Variants in GIPC3 observed in about 807,000 individuals in gnomAD.
GIPC3 encodes the protein GIPC PDZ domain containing family member 3.
GIPC3 carries 16 observed loss-of-function variants against 27.3 expected under a neutral mutation model. The observed-to-expected ratio is 0.59, with a 90% confidence interval of 0.40 to 0.89. GIPC3 has a LOEUF of 0.89. Among genes scored for constraint, GIPC3 ranks in the 40% least tolerant of loss-of-function variants. GIPC3 has a pLI of 0.00. For missense variants in GIPC3, 440 were observed against 442.1 expected, an observed-to-expected ratio of 1.00 and a Z score of 0.04; for synonymous variants, 194 against 184.6, an observed-to-expected ratio of 1.05 and a Z score of -0.41.
chr19:3,587,695 C>CTTTTTTTTTTTTTT (rs1555704357), intron 3 of GIPC3, among the ~76,000 whole-genome samples: 1 of 131,208 alleles, frequency 7.6e-6, no homozygotes, highest in Non-Finnish European at 1.6e-5. Flanking sequence ...CTTTTCTTTT[C>CTTTTTTTTTTTTTT]TTTTTTTTTT....
rs113699849 is a variant in GIPC3, at chr19:3,592,102, C to G, written c.*1912C>G. 8.9e-6 allele frequency: 11 copies of G among 1,231,992 alleles called. No homozygotes were observed. Among genetic ancestry groups the G allele is most frequent in the Non-Finnish European group, 1.1e-5 (11 of 988,084 alleles). 76.3% of individuals were successfully genotyped at this position (1,231,992 alleles called of 1,614,324 possible). A position where few individuals can be genotyped will look rare whatever the true frequency, so the allele number is the denominator to read the frequency against. On this transcript the variant is annotated 3_prime_UTR_variant, in exon 6 of 6. Coordinates refer to ENST00000644452, the MANE Select transcript of GIPC3 (RefSeq NM_133261.3). ...ATCCAGCTAAGCTCTGGAGTCCAAT[C>G]TAGTCCTGGGACCCAGGCCATCGCA...
Position 3,591,491 on chromosome 19 carries a change from T to C in GIPC3, c.*1301T>C, listed in dbSNP as rs2032487706. ...TGCAGCCACACCTGGACACTCGGTC[T>C]AGCTCCGGAACCCCAGTTAATTTTG... On this transcript the variant is annotated 3_prime_UTR_variant, in exon 6 of 6. Transcript: ENST00000644452. 1 of 1,232,340 alleles carries C rather than the reference T, an allele frequency of 8.1e-7. No homozygotes were observed. The highest frequency in any genetic ancestry group is 3.2e-5 in the East Asian group (1 of 31,694). The allele number at this position is 1,232,340 out of a possible 1,614,324, so 76.3% of individuals were successfully genotyped here.
intron 3 of GIPC3, 86 bp downstream of exon 3, chr19:3,587,080 T>G: frequency 1.5e-6 from 2 of 1,328,332 alleles, no homozygotes; most frequent in Non-Finnish European, 2.1e-6. Context: ...TGGGACGGGC[T>G]GGAAGGTTCT....
At chr19:3,589,973 G>C (rs1339563201) in intron 5 of GIPC3, 61 bp downstream of exon 5, 29 of 1,613,196 alleles carry the variant, frequency 1.8e-5, no homozygotes, top group Non-Finnish European at 2.4e-5. Context: ...GAGGAGGCAG[G>C]GGTCCCAGCG....
intron 1 of GIPC3, 145 bp downstream of exon 1, chr19:3,585,967 C>G: frequency 1.4e-6 from 2 of 1,380,962 alleles, no homozygotes; most frequent in Non-Finnish European, 1.9e-6. Context: ...GAGACCCAGC[C>G]CTCAGATCCC....
At chr19:3,589,243 A>G (rs2032434654) in intron 3 of GIPC3, among the ~76,000 whole-genome samples, 200 bp from the exon 4 acceptor site, 1 of 152,198 alleles carries the variant, frequency 6.6e-6, no homozygotes, top group African/African-American at 2.4e-5. Flanking sequence ...ACAACACCTC[A>G]TTCTGGACTT....
chr19:3,585,597 C>T lies in GIPC3; in HGVS notation c.-1C>T. On this transcript the variant is annotated 5_prime_UTR_variant, in exon 1 of 6. Transcript: ENST00000644452. ...GGGTGGGTGGCCGAACTTCTCCCGC[C>T]ATGGAGGGAGCAGCGGCCCGGGAGG... 1 of 1,154,794 alleles carries T rather than the reference C, an allele frequency of 8.7e-7. No individual in the cohort carries two copies. Among genetic ancestry groups the T allele is most frequent in the Non-Finnish European group, 1.1e-6 (1 of 939,966 alleles). The allele number at this position is 1,154,794 out of a possible 1,614,324, so 71.5% of individuals were successfully genotyped here. A position where few individuals can be genotyped will look rare whatever the true frequency, so the allele number is the denominator to read the frequency against.
At chr19:3,589,608 C>G (rs927835462) in intron 4 of GIPC3, 53 bp downstream of exon 4, 1 of 1,442,164 alleles carries the variant, frequency 6.9e-7, no homozygotes, top group Admixed American at 1.7e-5. Flanking sequence ...AGCTCCTCCA[C>G]TGAGTCAGTG....
At position 3,587,680 on chromosome 19, in the gene GIPC3, T is replaced by TTTTTC. The variant is rs1490862531; in HGVS notation, c.592+701_592+705dup. Among the ~76,000 whole-genome samples the TTTTTC allele has an allele frequency of 8.4e-5, 12 of 142,842 alleles. 1 individual carries two copies. The highest frequency in any genetic ancestry group is 2.2e-4 in the South Asian group (1 of 4,614). The allele number at this position is 142,842 out of a possible 152,430, so 93.7% of individuals were successfully genotyped here. ...TTCTTTTCTTTTTTTTTTCCTTTCT[T>TTTTTC]TTTTCTTTTCTTTTCTTTTTTTTTT... On this transcript the variant is annotated intron_variant, in intron 3 of 5. Transcript: ENST00000644452.
In GIPC3 at chr19:3,591,065, T is replaced by C; in HGVS notation, c.*875T>C. ...CCAGCATAGAGACCAAGCCGTGTTC[T>C]AGAATTCAGGCCACATCTGAAGCCA... On this transcript the variant is annotated 3_prime_UTR_variant, in exon 6 of 6. Coordinates refer to ENST00000644452, the MANE Select transcript of GIPC3 (RefSeq NM_133261.3). 8.1e-7 allele frequency: 1 copy of C among 1,233,452 alleles called. No homozygotes were observed. The highest frequency in any genetic ancestry group is 1.0e-6 in the Non-Finnish European group (1 of 989,020). 76.4% of individuals were successfully genotyped at this position (1,233,452 alleles called of 1,614,324 possible).
At position 3,585,659 on chromosome 19, in the gene GIPC3, C is replaced by T; in HGVS notation, c.62C>T (p.Pro21Leu). 1.6e-6 allele frequency: 2 copies of T among 1,232,332 alleles called. No homozygotes were observed. The highest frequency in any genetic ancestry group is 3.2e-4 in the Middle Eastern group (1 of 3,124). The allele number at this position is 1,232,332 out of a possible 1,614,324, so 76.3% of individuals were successfully genotyped here. A position where few individuals can be genotyped will look rare whatever the true frequency, so the allele number is the denominator to read the frequency against. Residue 21 changes from proline (P) to leucine (L), a missense_variant, in exon 1 of 6, where the codon CCG becomes CTG. Physicochemically the swap from Pro to Leu is moderately conservative, Grantham distance 98 (BLOSUM62 -3). Coordinates refer to ENST00000644452, the MANE Select transcript of GIPC3 (RefSeq NM_133261.3). The stretch of plus-strand genomic sequence containing the variant: ...GAGACCCCGCGCGCGTCTGCGCCCC[C>T]GCCCGCGCCCTCGGAGCCCCCGGCC... ...GTETPRASAP[P>L]PAPSEPPAAP...
chr19:3,592,443 C>G lies in GIPC3; in HGVS notation c.*2253C>G, dbSNP rs925604592. 4 of 1,231,930 alleles carry G rather than the reference C, an allele frequency of 3.2e-6. No homozygotes were observed. The highest frequency in any genetic ancestry group is 4.0e-6 in the Non-Finnish European group (4 of 987,962). 76.3% of individuals were successfully genotyped at this position (1,231,930 alleles called of 1,614,324 possible). A position where few individuals can be genotyped will look rare whatever the true frequency, so the allele number is the denominator to read the frequency against. On this transcript the variant is annotated 3_prime_UTR_variant, in exon 6 of 6. Coordinates refer to ENST00000644452, the MANE Select transcript of GIPC3 (RefSeq NM_133261.3). ...AACCCAGCTGATTTCCGGAGCCCAA[C>G]CCAGCTCCAGAACTCAGACTAGTTC...
intron 1 of GIPC3, among the ~76,000 whole-genome samples, 168 bp from the exon 2 acceptor site, chr19:3,586,327 T>G (rs2032363867): frequency 6.6e-6 from 1 of 152,098 alleles, no homozygotes; most frequent in Admixed American, 6.5e-5. Context: ...GGTCTCCACC[T>G]GCTGGAAGTC....
intron 3 of GIPC3, among the ~76,000 whole-genome samples, chr19:3,587,695 C>CTTTTTTTTTTTCTTT (rs2032401098): frequency 7.6e-6 from 1 of 131,206 alleles, no homozygotes. Context: ...CTTTTCTTTT[C>CTTTTTTTTTTTCTTT]TTTTTTTTTT....
chr19:3,592,104 A>C lies in GIPC3; in HGVS notation c.*1914A>C, dbSNP rs1228507214. 7 of 1,232,128 alleles carry C rather than the reference A, an allele frequency of 5.7e-6. No individual in the cohort carries two copies. The highest frequency in any genetic ancestry group is 7.1e-6 in the Non-Finnish European group (7 of 988,076). The allele number at this position is 1,232,128 out of a possible 1,614,324, so 76.3% of individuals were successfully genotyped here. A position where few individuals can be genotyped will look rare whatever the true frequency, so the allele number is the denominator to read the frequency against. ...CCAGCTAAGCTCTGGAGTCCAATCTAGTCCTGGGACCCAGGCCATCGCAGC... is the reference window on the plus strand; with the variant it reads ...CCAGCTAAGCTCTGGAGTCCAATCTCGTCCTGGGACCCAGGCCATCGCAGC... On this transcript the variant is annotated 3_prime_UTR_variant, in exon 6 of 6. Transcript: ENST00000644452.
intron 3 of GIPC3, among the ~76,000 whole-genome samples, chr19:3,589,068 C>T (rs372559778): frequency 1.1e-4 from 16 of 152,260 alleles, no homozygotes; most frequent in African/African-American, 3.9e-4. Context: ...GTTTCTAGCA[C>T]CTCAGTCCTG....
Position 3,591,290 on chromosome 19 carries a change from G to T in GIPC3, c.*1100G>T. ...AAGCCCAGGCCAGCTCTGAGACGAA[G>T]CACATCTCTAGAATCCAGCTGAGCC... On this transcript the variant is annotated 3_prime_UTR_variant, in exon 6 of 6. Transcript: ENST00000644452. 1.6e-6 allele frequency: 2 copies of T among 1,232,532 alleles called. No individual in the cohort carries two copies. Among genetic ancestry groups the T allele is most frequent in the Non-Finnish European group, 2.0e-6 (2 of 988,334 alleles). The allele number at this position is 1,232,532 out of a possible 1,614,324, so 76.3% of individuals were successfully genotyped here. A position where few individuals can be genotyped will look rare whatever the true frequency, so the allele number is the denominator to read the frequency against.
In GIPC3 at chr19:3,586,915, C is replaced by A. The variant is rs756432451; in HGVS notation, c.513C>A (p.Tyr171Ter). 4 of 1,613,536 alleles carry A rather than the reference C, an allele frequency of 2.5e-6. No individual in the cohort carries two copies. In the Admixed American group the frequency reaches 5.0e-5, roughly 20 times the overall value. Residue 171 changes from tyrosine (Y) to a stop codon, truncating the protein, a stop_gained, in exon 3 of 6, where the codon TAC becomes TAA. Coordinates refer to ENST00000644452, the MANE Select transcript of GIPC3 (RefSeq NM_133261.3). LOFTEE classifies it high-confidence loss of function. Reference sequence around the variant, plus strand: ...ACTCCATTGTGGGCTGCCGCCACTACGAGGTGGCCAAGATGCTCCGGGAGC... The same window carrying A: ...ACTCCATTGTGGGCTGCCGCCACTAAGAGGTGGCCAAGATGCTCCGGGAGC... ...NDHSIVGCRH[Y>*]EVAKMLRELP...
At chr19:3,587,634 A>G (rs1181136198) in intron 3 of GIPC3, among the ~76,000 whole-genome samples, 2 of 148,222 alleles carry the variant, frequency 1.3e-5, no homozygotes, top group African/African-American at 5.0e-5. Context: ...AGAGAATGAG[A>G]ATATGAGAAA....
Sources: allele counts gnomAD v4.1 joint callset (sites outside exome capture counted in the v4.1 genomes callset), GRCh38; gene constraint gnomAD v4.1.1; transcripts MANE v1.5; gene names NCBI Gene and HGNC (gene_info 2026-07-23, HGNC 2026-07-21).